Variants in RB1 observed in about 807,000 individuals in gnomAD.
The protein encoded by RB1 is retinoblastoma-associated protein.
A neutral mutation model predicts 135.4 loss-of-function variants in RB1; 18 were observed. That is an observed-to-expected ratio of 0.13 (90% CI 0.09 to 0.20). The LOEUF is 0.20. RB1 is among the 10% of genes least tolerant of loss of function. The pLI, the probability that RB1 is intolerant of heterozygous loss-of-function variation, is 1.00. For missense variants in RB1, 868 were observed against 1,110.0 expected (o/e 0.78, Z 3.10); for synonymous variants, 365 against 373.2 (o/e 0.98, Z 0.25).
chr13:48,462,513 A>G lies in RB1; in HGVS notation c.2107-1218A>G, dbSNP rs150319247. Among the ~76,000 whole-genome samples, 961 of 152,326 alleles carry G rather than the reference A, an allele frequency of 6.3e-3. 12 individuals are homozygous for G. Among genetic ancestry groups the G allele is most frequent in the African/African-American group, 0.022 (914 of 41,570 alleles). On this transcript the variant is annotated intron_variant, in intron 20 of 26. Coordinates refer to ENST00000267163, the MANE Select transcript of RB1 (RefSeq NM_000321.3). ...TCTACATACAAGTCACTTATCACAT[A>G]TATAATTTGAAAATATTTTCTCCCA...
intron 17 of RB1, among the ~76,000 whole-genome samples, chr13:48,414,042 T>C (rs763960120): frequency 2.8e-4 from 43 of 152,286 alleles, no homozygotes; most frequent in Non-Finnish European, 5.1e-4. Flanking sequence ...TATATGTTTA[T>C]ATTTAAAGTA....
intron 20 of RB1, among the ~76,000 whole-genome samples, chr13:48,461,035 A>T (rs866636586): frequency 9.2e-5 from 14 of 152,294 alleles, no homozygotes; most frequent in Middle Eastern, 3.4e-3. Context: ...CACACACCAT[A>T]AAAACCACCC....
intron 24 of RB1, among the ~76,000 whole-genome samples, chr13:48,475,369 G>C (rs1949497958): frequency 6.6e-6 from 1 of 152,148 alleles, no homozygotes; most frequent in East Asian, 1.9e-4. Context: ...TGGGCCTGCA[G>C]TCATCTCAAG....
In RB1 at chr13:48,342,635, A is replaced by G. The variant is rs1555282783; in HGVS notation, c.301A>G (p.Ile101Val). 2 of 1,612,296 alleles carry G rather than the reference A, an allele frequency of 1.2e-6. No homozygotes were observed. The highest frequency in any genetic ancestry group is 1.7e-6 in the Non-Finnish European group (2 of 1,178,566). The part of the protein sequence containing the change: ...YIQKKKELWG[I>V]CIFIAAVDLD... ...TCAAAAGAAAAAGGAACTGTGGGGAATCTGTATCTTTATTGCAGCAGTTGA... is the reference window on the plus strand; with the variant it reads ...TCAAAAGAAAAAGGAACTGTGGGGAGTCTGTATCTTTATTGCAGCAGTTGA... The change falls in exon 3 of 27, where the codon ATC becomes GTC. Residue 101 changes from isoleucine to valine, a missense_variant. Around this residue, in one of 3 missense-constraint regions of RB1, gnomAD observed 641 missense variants for 791.3 expected, o/e 0.81. Coordinates refer to ENST00000267163, the MANE Select transcript of RB1 (RefSeq NM_000321.3).
intron 17 of RB1, among the ~76,000 whole-genome samples, chr13:48,445,774 G>A (rs569690224): frequency 1.3e-5 from 2 of 152,230 alleles, no homozygotes; most frequent in Admixed American, 1.3e-4. Flanking sequence ...CACCGTGTAA[G>A]TAGGAACAAA....
At chr13:48,455,420 G>A (rs1323320894) in intron 18 of RB1, among the ~76,000 whole-genome samples, 11 of 152,202 alleles carry the variant, frequency 7.2e-5, no homozygotes, top group Non-Finnish European at 2.9e-5. Context: ...ATCCAAAGTG[G>A]ATACTAGACC....
intron 24 of RB1, among the ~76,000 whole-genome samples, chr13:48,475,579 A>G (rs1949499258): frequency 6.6e-6 from 1 of 152,244 alleles, no homozygotes; most frequent in African/African-American, 2.4e-5. Flanking sequence ...GAGAGGTCAC[A>G]GTCTTATTGT....
rs1952628211 is a variant in RB1 at position 48,360,342 on chromosome 13, C to T, written c.718+215C>T. 4 of 1,017,372 alleles carry T rather than the reference C, an allele frequency of 3.9e-6. No individual in the cohort carries two copies. The South Asian group carries it at 6.2e-5, about 16-fold the overall frequency. The allele number at this position is 1,017,372 out of a possible 1,614,324, so 63.0% of individuals were successfully genotyped here. A position where few individuals can be genotyped will look rare whatever the true frequency, so the allele number is the denominator to read the frequency against. On this transcript the variant is annotated intron_variant, in intron 7 of 26. Transcript: ENST00000267163. ...GTAGAAAGTGGTTTGGGTCAAAATA[C>T]AACAAATGGAGGTTTGGGAGACAAG...
chr13:48,421,978 A>C (rs1949012743), intron 17 of RB1, among the ~76,000 whole-genome samples: 1 of 152,204 alleles, frequency 6.6e-6, no homozygotes, highest in African/African-American at 2.4e-5. Flanking sequence ...AAGGATCTAG[A>C]ACCAGAAATA....
chr13:48,461,800 G>A (rs1376999903), intron 20 of RB1, among the ~76,000 whole-genome samples: 1 of 151,952 alleles, frequency 6.6e-6, no homozygotes, highest in Non-Finnish European at 1.5e-5. Flanking sequence ...TTAGAGAAAT[G>A]TCTATCAGAC....
intron 9 of RB1, among the ~76,000 whole-genome samples, chr13:48,365,724 A>C (rs1186929167): frequency 6.6e-6 from 1 of 152,206 alleles, no homozygotes; most frequent in African/African-American, 2.4e-5. Flanking sequence ...TTAATTTATT[A>C]ATTCAACAAA....
intron 21 of RB1, 42 bp downstream of exon 21, chr13:48,463,877 T>C (rs1273795995): frequency 4.3e-6 from 5 of 1,174,322 alleles, no homozygotes; most frequent in Non-Finnish European, 6.4e-6. Context: ...TAAATCCATA[T>C]CCATAACATA....
chr13:48,416,632 G>C (rs188725046), intron 17 of RB1: 2 of 152,484 alleles, frequency 1.3e-5, no homozygotes, highest in Non-Finnish European at 2.9e-5. Flanking sequence ...GAGCCAAGTG[G>C]TCTAGCTCAG....
At chr13:48,315,328 T>C (rs1952172487) in intron 2 of RB1, among the ~76,000 whole-genome samples, 1 of 152,220 alleles carries the variant, frequency 6.6e-6, no homozygotes, top group Admixed American at 6.5e-5. Context: ...TTGATTTGGC[T>C]CTCAGCTTGG....
rs1218644136 is a variant in RB1 at position 48,471,416 on chromosome 13, C to G, written c.2490-1944C>G. Among the ~76,000 whole-genome samples the G allele has an allele frequency of 2.1e-3, 178 of 85,470 alleles. 2 individuals carry two copies. Among genetic ancestry groups the G allele is most frequent in the African/African-American group, 7.2e-3 (162 of 22,444 alleles). The allele number at this position is 85,470 out of a possible 152,430, so 56.1% of individuals were successfully genotyped here. On this transcript the variant is annotated intron_variant, in intron 23 of 26. Coordinates refer to ENST00000267163, the MANE Select transcript of RB1 (RefSeq NM_000321.3). Reference sequence around the variant, plus strand: ...CACACTCTGGGGACTGTGGTGGGGTCGGGGGAGGGGGGAGGGATAGCATTG... The same window carrying G: ...CACACTCTGGGGACTGTGGTGGGGTGGGGGGAGGGGGGAGGGATAGCATTG...
intron 1 of RB1, among the ~76,000 whole-genome samples, chr13:48,305,358 C>A (rs1286366882): frequency 1.3e-5 from 2 of 152,096 alleles, no homozygotes; most frequent in Admixed American, 6.5e-5. Flanking sequence ...CGTTAAAAAA[C>A]CAAAATAACA....
At position 48,319,306 on chromosome 13, in the gene RB1, G is replaced by A. The variant is rs914694382; in HGVS notation, c.264+11900G>A. The A allele has an allele frequency of 1.6e-5, 10 of 641,762 alleles. No individual in the cohort carries two copies. Among genetic ancestry groups the A allele is most frequent in the South Asian group, 3.4e-5 (2 of 58,742 alleles). The allele number at this position is 641,762 out of a possible 1,614,324, so 39.8% of individuals were successfully genotyped here. On this transcript the variant is annotated intron_variant, in intron 2 of 26. Coordinates refer to ENST00000267163, the MANE Select transcript of RB1 (RefSeq NM_000321.3). The surrounding 1 kb of genome is among the most constrained non-coding windows in gnomAD (Gnocchi z 5.0). ...GGGGTCAGGCGTCCTCTCTCCTCCC[G>A]GCGCTGGGCCCTCTGGGGCAGGTCC...
chr13:48,346,868 T>C (rs945089398), intron 4 of RB1, among the ~76,000 whole-genome samples: 5 of 152,052 alleles, frequency 3.3e-5, no homozygotes, highest in Admixed American at 1.3e-4. Context: ...ATTACCTTTC[T>C]AGTAAACAAA....
intron 2 of RB1, among the ~76,000 whole-genome samples, chr13:48,309,891 C>G (rs1952116859): frequency 6.6e-6 from 1 of 152,082 alleles, no homozygotes; most frequent in Non-Finnish European, 1.5e-5. Context: ...CTTTATTACC[C>G]TTTTTCATCC....
Sources: allele counts gnomAD v4.1 joint callset (sites outside exome capture counted in the v4.1 genomes callset), GRCh38; gene constraint gnomAD v4.1.1; regional missense constraint gnomAD v4.1.1; non-coding constraint Gnocchi (gnomAD v3.1); transcripts MANE v1.5; gene names NCBI Gene and HGNC (gene_info 2026-07-23, HGNC 2026-07-21).